TLL1: variants seen among roughly 807,000 people sequenced by gnomAD.
TLL1 encodes tolloid-like protein 1.
In TLL1, 49 loss-of-function variants were observed where a neutral mutation model predicts 128.2. The observed-to-expected ratio is 0.38, with a 90% CI of 0.30 to 0.48. The LOEUF is 0.48. TLL1 is among the 20% of genes least tolerant of loss of function. TLL1 has a pLI of 0.96. For missense variants in TLL1, 1,123 were observed against 1,242.0 expected (o/e 0.90, Z 1.44); for synonymous variants, 454 against 418.8 (o/e 1.08, Z -1.03).
intron 3 of TLL1, among the ~76,000 whole-genome samples, 190 bp downstream of exon 3, chr4:165,993,074 A>C (rs1736717554): frequency 6.6e-6 from 1 of 152,086 alleles, no homozygotes; most frequent in African/African-American, 2.4e-5. Flanking sequence ...AATAATTTGA[A>C]ATGTTCCTTT....
intron 1 of TLL1, among the ~76,000 whole-genome samples, chr4:165,949,880 G>A (rs1485087456): frequency 6.6e-6 from 1 of 151,874 alleles, no homozygotes; most frequent in Non-Finnish European, 1.5e-5. Context: ...AAACGTAAAC[G>A]ACAAGTAGAA....
At chr4:166,005,528 T>C (rs1025652789) in intron 6 of TLL1, among the ~76,000 whole-genome samples, 1 of 151,858 alleles carries the variant, frequency 6.6e-6, no homozygotes, top group African/African-American at 2.4e-5. Context: ...ATTTGAAGAA[T>C]GGTGAAGTGA....
intron 5 of TLL1, among the ~76,000 whole-genome samples, chr4:165,996,773 TGTA>T (rs1225985007): frequency 1.3e-5 from 2 of 151,460 alleles, no homozygotes; most frequent in African/African-American, 4.8e-5. Context: ...GAAAACTAAA[TGTA>T]GTTGCACTCT....
intron 18 of TLL1, among the ~76,000 whole-genome samples, chr4:166,084,398 A>T (rs1361819430): frequency 6.6e-6 from 1 of 151,904 alleles, no homozygotes; most frequent in African/African-American, 2.4e-5. Flanking sequence ...ATGTAATCTC[A>T]TTTGTCTATT....
intron 18 of TLL1, among the ~76,000 whole-genome samples, chr4:166,081,416 G>A (rs1741276827): frequency 6.6e-6 from 1 of 152,136 alleles, no homozygotes; most frequent in Admixed American, 6.6e-5. Flanking sequence ...AAACACCAAG[G>A]AAGGCACTCA....
chr4:166,048,238 G>GAA (rs56801648), intron 12 of TLL1, among the ~76,000 whole-genome samples: 12,902 of 100,392 alleles, frequency 0.13, 759 homozygotes, highest in African/African-American at 0.17. Context: ...TTCCGTCTCG[G>GAA]AAAAAAAAAA....
At chr4:165,902,954 C>A (rs964055643) in intron 1 of TLL1, among the ~76,000 whole-genome samples, 3 of 152,194 alleles carry the variant, frequency 2.0e-5, no homozygotes, top group African/African-American at 7.2e-5. Flanking sequence ...ATACCAACAA[C>A]ACTGTGCATA....
chr4:166,054,834 C>A (rs1739927332), intron 12 of TLL1, among the ~76,000 whole-genome samples: 1 of 151,854 alleles, frequency 6.6e-6, no homozygotes, highest in Admixed American at 6.6e-5. Context: ...TTCTGCTGAT[C>A]CTGACTCATG....
chr4:165,902,072 G>A (rs1732019380), intron 1 of TLL1, among the ~76,000 whole-genome samples: 1 of 152,158 alleles, frequency 6.6e-6, no homozygotes, highest in Admixed American at 6.5e-5. Flanking sequence ...CTTAAGCTCA[G>A]TAATGGTGGA....
chr4:166,007,577 A>G (rs1394046427), intron 6 of TLL1, among the ~76,000 whole-genome samples: 2 of 151,640 alleles, frequency 1.3e-5, no homozygotes, highest in Non-Finnish European at 3.0e-5. Context: ...AGTCATAAAA[A>G]TGGGAAACTC....
At chr4:165,903,691 G>T (rs1467460405) in intron 1 of TLL1, among the ~76,000 whole-genome samples, 1 of 151,210 alleles carries the variant, frequency 6.6e-6, no homozygotes, top group Non-Finnish European at 1.5e-5. Flanking sequence ...GATTACCGTC[G>T]TAAGCCACTG....
At chr4:165,895,130 A>G (rs556807082) in intron 1 of TLL1, among the ~76,000 whole-genome samples, 1 of 152,242 alleles carries the variant, frequency 6.6e-6, no homozygotes, top group South Asian at 2.1e-4. Context: ...GATCTTGTCA[A>G]TGCAATAAGT....
At chr4:166,097,977 T>G (rs1427093892) in intron 19 of TLL1, among the ~76,000 whole-genome samples, 1 of 152,058 alleles carries the variant, frequency 6.6e-6, no homozygotes, top group Non-Finnish European at 1.5e-5. Flanking sequence ...CCATGCTTGC[T>G]TGGATAGGTT....
intron 1 of TLL1, among the ~76,000 whole-genome samples, chr4:165,964,034 A>G (rs1735252330): frequency 6.6e-6 from 1 of 152,206 alleles, no homozygotes; most frequent in African/African-American, 2.4e-5. Context: ...TTTAGGCTAC[A>G]TTTGGCAGAG....
intron 12 of TLL1, among the ~76,000 whole-genome samples, chr4:166,050,240 A>G (rs564287039): frequency 6.8e-6 from 1 of 147,116 alleles, no homozygotes; most frequent in African/African-American, 2.4e-5. Flanking sequence ...GGCAACCTCC[A>G]TTCTTTCTGT....
In TLL1 at chr4:165,883,735, C is replaced by T. The variant is rs75130901; in HGVS notation, c.169+9662C>T. Among the ~76,000 whole-genome samples the T allele has an allele frequency of 2.4e-4, 36 of 152,152 alleles. No individual in the cohort carries two copies. In the East Asian group the frequency reaches 6.8e-3, roughly 29 times the overall value. Reference sequence around the variant, plus strand: ...ATAAATGTCTTTGTTTCTTCCCATGCGTAAAAACATTTCATATCTCAAGTC... The same window carrying T: ...ATAAATGTCTTTGTTTCTTCCCATGTGTAAAAACATTTCATATCTCAAGTC... On this transcript the variant is annotated intron_variant, in intron 1 of 20. Coordinates refer to ENST00000061240, the MANE Select transcript of TLL1 (RefSeq NM_012464.5).
At chr4:166,020,568 A>C (rs965688897) in intron 8 of TLL1, among the ~76,000 whole-genome samples, 1 of 151,998 alleles carries the variant, frequency 6.6e-6, no homozygotes, top group Admixed American at 6.6e-5. Flanking sequence ...TCATTTTCTA[A>C]ATGCGTTGAC....
At chr4:165,877,286 A>C (rs1450112520) in intron 1 of TLL1, among the ~76,000 whole-genome samples, 2 of 152,272 alleles carry the variant, frequency 1.3e-5, no homozygotes, top group East Asian at 3.8e-4. Flanking sequence ...TCAGTGCAGC[A>C]CAGCTGCGGA....
intron 1 of TLL1, among the ~76,000 whole-genome samples, chr4:165,941,793 T>C (rs17047090): frequency 0.057 from 8,700 of 152,154 alleles, 690 homozygotes; most frequent in African/African-American, 0.17. Flanking sequence ...AAAACATAAT[T>C]ACTGCATTTC....
Sources: allele counts gnomAD v4.1 joint callset (sites outside exome capture counted in the v4.1 genomes callset), GRCh38; gene constraint gnomAD v4.1.1; transcripts MANE v1.5; gene names NCBI Gene and HGNC (gene_info 2026-07-23, HGNC 2026-07-21).